SLC28A2: variants seen among roughly 807,000 people sequenced by gnomAD.
The protein encoded by SLC28A2 is sodium/nucleoside cotransporter 2.
SLC28A2 carries 69 observed loss-of-function variants against 72.9 expected under a neutral mutation model. The ratio of observed to expected loss-of-function variants is 0.95; its 90% CI spans 0.78 to 1.16. The LOEUF (loss-of-function observed/expected upper bound fraction) is 1.16. Ranked by LOEUF, SLC28A2 falls within the 50% of genes most tolerant of loss-of-function variation. SLC28A2 has a pLI of 0.00. For missense variants in SLC28A2, 745 were observed against 791.1 expected, an observed-to-expected ratio of 0.94 and a Z score of 0.70; for synonymous variants, 296 against 294.1, an observed-to-expected ratio of 1.01 and a Z score of -0.07.
At chr15:45,259,225 A>G (rs12911186) in intron 3 of SLC28A2, among the ~76,000 whole-genome samples, 71,954 of 152,070 alleles carry the variant, frequency 0.47, 20,709 homozygotes, top group Non-Finnish European at 0.67. Context: ...TAAAAAAACT[A>G]GTATGTAAGG....
chr15:45,269,501 A>G lies in SLC28A2; in HGVS notation c.1532A>G (p.Glu511Gly), dbSNP rs141164364. ...AAGAACAAACGTCTCTCTGGAATGG[A>G]GGAGTGGATTGAGGGAGAGAAACAG... ...QYKNKRLSGM[E>G]EWIEGEKQWI... Residue 511 changes from glutamate to glycine, a missense_variant, in exon 14 of 18, where the codon GAG becomes GGG. Transcript: ENST00000347644. 9.3e-6 allele frequency: 15 copies of G among 1,614,034 alleles called. No homozygotes were observed. The African/African-American group carries it at 2.0e-4, about 22-fold the overall frequency.
rs993103261 is a variant in SLC28A2 at position 45,272,589 on chromosome 15, T to C, written c.1748-84T>C. 5 of 901,154 alleles carry C rather than the reference T, an allele frequency of 5.5e-6. No homozygotes were observed. The Admixed American group carries it at 7.4e-5, about 13-fold the overall frequency. The allele number at this position is 901,154 out of a possible 1,614,324, so 55.8% of individuals were successfully genotyped here. On this transcript the variant is annotated intron_variant, in intron 16 of 17. Transcript: ENST00000347644. ...TGGCAAAGGCACCTAATCAAGAGTG[T>C]CCACAATTCGTGCCAAAAGAATAAA...
At chr15:45,264,318 G>A (rs1900257792) in intron 6 of SLC28A2, among the ~76,000 whole-genome samples, 1 of 152,148 alleles carries the variant, frequency 6.6e-6, no homozygotes, top group Admixed American at 6.5e-5. Flanking sequence ...AGGAAGGAGA[G>A]AAAAATAGAA....
chr15:45,257,295 TC>T (rs1297827416), intron 3 of SLC28A2, among the ~76,000 whole-genome samples: 3 of 152,166 alleles, frequency 2.0e-5, no homozygotes, highest in African/African-American at 7.2e-5. Flanking sequence ...TCTCCAAACT[TC>T]CATAACATTC....
At chr15:45,260,191 A>C (rs1344984610) in intron 3 of SLC28A2, among the ~76,000 whole-genome samples, 1 of 152,206 alleles carries the variant, frequency 6.6e-6, no homozygotes, top group African/African-American at 2.4e-5. Context: ...ACCTGGCAGG[A>C]GAGTCAGATA....
At chr15:45,264,172 T>C in intron 6 of SLC28A2, 150 bp downstream of exon 6, 1 of 710,982 alleles carries the variant, frequency 1.4e-6, no homozygotes, top group Non-Finnish European at 2.1e-6. Context: ...ATTTTGTTTC[T>C]AAGATAAGTT....
Position 45,265,668 on chromosome 15 carries a change from G to C in SLC28A2, c.861+5G>C, listed in dbSNP as rs1250646861. ...GTGCAATGGGTAGTTCAGAAGGTGA[G>C]TCGTTCTCTTACACCAGTCAGGAGA... On this transcript the variant is annotated splice_donor_5th_base_variant and intron_variant, in intron 9 of 17. Coordinates refer to ENST00000347644, the MANE Select transcript of SLC28A2 (RefSeq NM_004212.4). 1.9e-6 allele frequency: 3 copies of C among 1,598,402 alleles called. No homozygotes were observed. Among genetic ancestry groups the C allele is most frequent in the Non-Finnish European group, 1.7e-6 (2 of 1,165,714 alleles).
chr15:45,264,587 G>A, intron 6 of SLC28A2, 68 bp from the exon 7 acceptor site: 1 of 1,095,696 alleles, frequency 9.1e-7, no homozygotes, highest in Non-Finnish European at 1.4e-6. Context: ...CAGAGTACAT[G>A]TTTAAAACTC....
Position 45,265,573 on chromosome 15 carries a change from C to T in SLC28A2, c.781-10C>T. The T allele has an allele frequency of 6.2e-7, 1 of 1,601,012 alleles. No individual in the cohort carries two copies. Among genetic ancestry groups the T allele is most frequent in the Non-Finnish European group, 8.6e-7 (1 of 1,168,048 alleles). On this transcript the variant is annotated splice_polypyrimidine_tract_variant and intron_variant, in intron 8 of 17. Coordinates refer to ENST00000347644, the MANE Select transcript of SLC28A2 (RefSeq NM_004212.4). ...TAACATCTCACCACCTGCTACCATT[C>T]TCATTACAGGCCTTACCAATCATCA... is the stretch of plus-strand genomic sequence containing the variant.
chr15:45,275,097 A>G (rs1369421832), intron 17 of SLC28A2, among the ~76,000 whole-genome samples: 6 of 152,222 alleles, frequency 3.9e-5, no homozygotes, highest in Admixed American at 3.9e-4. Flanking sequence ...TTCAGAATCA[A>G]TTCAATACTA....
At position 45,269,445 on chromosome 15, in the gene SLC28A2, G is replaced by C. The variant is rs774723207; in HGVS notation, c.1476G>C (p.Glu492Asp). ...TGGGAATCAAGTTCTTCATAAATGAGTTTGTGGCTTATCAGCAACTGTCTC... is the reference window on the plus strand; with the variant it reads ...TGGGAATCAAGTTCTTCATAAATGACTTTGTGGCTTATCAGCAACTGTCTC... ...EMVGIKFFIN[E>D]FVAYQQLSQY... The change falls in exon 14 of 18, where the codon GAG (glutamate) becomes GAC (aspartate). Residue 492 changes from glutamate (E) to aspartate (D), a missense_variant. Physicochemically the swap from Glu to Asp is conservative, Grantham distance 45. Coordinates refer to ENST00000347644, the MANE Select transcript of SLC28A2 (RefSeq NM_004212.4). The C allele has an allele frequency of 3.7e-6, 6 of 1,614,086 alleles. No individual in the cohort carries two copies. The highest frequency in any genetic ancestry group is 5.1e-6 in the Non-Finnish European group (6 of 1,179,966).
rs1900039462 is a variant in SLC28A2, at chr15:45,258,369, T to C, written c.171-3646T>C. On this transcript the variant is annotated intron_variant, in intron 3 of 17. Transcript: ENST00000347644. ...AATGTTTAATAAAGCATAGCATGCA[T>C]ACAGAAAAATAAACATAAGCCTTAA... is the stretch of plus-strand genomic sequence containing the variant. Among the ~76,000 whole-genome samples the C allele has an allele frequency of 4.6e-5, 7 of 152,218 alleles. No individual in the cohort carries two copies. The South Asian group carries it at 1.5e-3, about 32-fold the overall frequency.
At position 45,268,272 on chromosome 15, in the gene SLC28A2, C is replaced by G. The variant is rs755841812; in HGVS notation, c.1262C>G (p.Thr421Ser). The G allele has an allele frequency of 2.5e-6, 4 of 1,612,874 alleles. No homozygotes were observed. Among genetic ancestry groups the G allele is most frequent in the South Asian group, 2.2e-5 (2 of 91,054 alleles). Residue 421 changes from threonine to serine, a missense_variant, in exon 13 of 18, where the codon ACT (threonine) becomes AGT (serine). Transcript: ENST00000347644. ...NGAVDAIGLA[T>S]NVAANLIAFL... is the part of the protein sequence containing the mutation. ...GCCGTAGATGCCATAGGCCTTGCTACTAATGTAGCAGCCAACCTGATTGCC... is the reference window on the plus strand; with the variant it reads ...GCCGTAGATGCCATAGGCCTTGCTAGTAATGTAGCAGCCAACCTGATTGCC...
Position 45,275,468 on chromosome 15 carries a change from C to T in SLC28A2, c.1932C>T (p.Ala644=). The T allele has an allele frequency of 1.2e-6, 2 of 1,612,734 alleles. No individual in the cohort carries two copies. Among genetic ancestry groups the T allele is most frequent in the Non-Finnish European group, 1.7e-6 (2 of 1,178,808 alleles). The change falls in exon 18 of 18, where the codon GCC becomes GCT. Residue 644 remains alanine, a synonymous_variant. Transcript: ENST00000347644. ...PWEDKEFSAM[A]LTNCCGFYNN... is the part of the protein sequence containing the mutation. ...AAGATAAGGAGTTCAGTGCTATGGC[C>T]CTTACTAACTGCTGTGGATTCTACA...
rs147419508 is a variant in SLC28A2, at chr15:45,253,282, G to T, written c.67G>T (p.Gly23Trp). The change falls in exon 2 of 18, where the codon GGG becomes TGG. Residue 23 changes from glycine (G) to tryptophan (W), a missense_variant. Transcript: ENST00000347644. ...STVETGTVNP[G>W]LELMEKEVEP... is the part of the protein sequence containing the mutation. Reference sequence around the variant, plus strand: ...AGTGGAGACTGGCACAGTGAACCCGGGGCTGGAGCTCATGGTAATCACCAG... The same window carrying T: ...AGTGGAGACTGGCACAGTGAACCCGTGGCTGGAGCTCATGGTAATCACCAG... 382 of 1,612,764 alleles carry T rather than the reference G, an allele frequency of 2.4e-4. 1 individual carries two copies. Among genetic ancestry groups the T allele is most frequent in the Admixed American group, 1.1e-3 (67 of 60,002 alleles).
chr15:45,275,179 G>A (rs761540659), intron 17 of SLC28A2, among the ~76,000 whole-genome samples: 4 of 152,148 alleles, frequency 2.6e-5, no homozygotes, highest in Non-Finnish European at 5.9e-5. Context: ...TAGGAGTTGC[G>A]CAAAGGAACA....
rs1239383490 is a variant in SLC28A2, at chr15:45,263,096, A to T, written c.298A>T (p.Asn100Tyr). 2 of 1,613,678 alleles carry T rather than the reference A, an allele frequency of 1.2e-6. No homozygotes were observed. The highest frequency in any genetic ancestry group is 2.7e-5 in the African/African-American group (2 of 74,880). The change falls in exon 5 of 18, where the codon AAT becomes TAT. Residue 100 changes from asparagine to tyrosine, a missense_variant. Transcript: ENST00000347644. Reference protein sequence around the residue: ...AAYLLAACILNFQRALALFVI... With the variant: ...AAYLLAACILYFQRALALFVI... Reference sequence around the variant, plus strand: ...CTATCTCCTGGCAGCTTGCATCTTGAATTTCCAGAGGGCACTGGCCTTGTT... The same window carrying T: ...CTATCTCCTGGCAGCTTGCATCTTGTATTTCCAGAGGGCACTGGCCTTGTT...
chr15:45,271,341 T>C (rs897745786), intron 15 of SLC28A2, among the ~76,000 whole-genome samples: 2 of 152,138 alleles, frequency 1.3e-5, no homozygotes, highest in Non-Finnish European at 2.9e-5. Flanking sequence ...GGCAGGAAGA[T>C]TGCTTGCTAT....
rs550586407 is a variant in SLC28A2, at chr15:45,272,866, T to G, written c.1859+82T>G. 10 of 745,750 alleles carry G rather than the reference T, an allele frequency of 1.3e-5. No individual in the cohort carries two copies. In the South Asian group the frequency reaches 1.5e-4, roughly 11 times the overall value. 46.2% of individuals were successfully genotyped at this position (745,750 alleles called of 1,614,324 possible). On this transcript the variant is annotated intron_variant, in intron 17 of 17. Coordinates refer to ENST00000347644, the MANE Select transcript of SLC28A2 (RefSeq NM_004212.4). ...AATGCTGTTGAGGTTGCATAGAGTG[T>G]ATAAGGGCTGTGAGTATTGGTAATG... is the stretch of plus-strand genomic sequence containing the variant.
Sources: allele counts gnomAD v4.1 joint callset (sites outside exome capture counted in the v4.1 genomes callset), GRCh38; gene constraint gnomAD v4.1.1; transcripts MANE v1.5; gene names NCBI Gene and HGNC (gene_info 2026-07-23, HGNC 2026-07-21).